The following TNS3 variants were observed in gnomAD, a reference collection of about 807,000 sequenced individuals.
The protein encoded by TNS3 is tensin-3.
A neutral mutation model predicts 140.9 loss-of-function variants in TNS3; 45 were observed. The ratio of observed to expected loss-of-function variants is 0.32; its 90% CI spans 0.25 to 0.41. TNS3 has a LOEUF of 0.41. Among genes scored for constraint, TNS3 ranks in the 10% least tolerant of loss-of-function variants. The pLI, the probability that TNS3 is intolerant of heterozygous loss-of-function variation, is 1.00. For synonymous variants in TNS3, 815 were observed against 788.4 expected (o/e 1.03, Z -0.56); for missense variants, 1,716 against 1,906.7 (o/e 0.90, Z 1.86).
chr7:47,422,475 T>G lies in TNS3; in HGVS notation c.473+1626A>C, dbSNP rs936567274. On this transcript the variant is annotated intron_variant, in intron 10 of 30. Transcript: ENST00000311160. Reference sequence around the variant, plus strand: ...CAAAAATTTTAAAATTAGCTGAGCATGGTGATGTGCGCCTATAGTCTCAGC... The same window carrying G: ...CAAAAATTTTAAAATTAGCTGAGCAGGGTGATGTGCGCCTATAGTCTCAGC... Among the ~76,000 whole-genome samples the G allele has an allele frequency of 2.6e-5, 4 of 152,022 alleles. No homozygotes were observed. In the South Asian group the frequency reaches 6.2e-4, roughly 24 times the overall value.
At position 47,506,176 on chromosome 7, in the gene TNS3, G is replaced by A. The variant is rs531278671; in HGVS notation, c.-115+731C>T. ...TGGGGCAAAACACTGCTGACACCCC[G>A]ACTGCAGACCCAAATCATACTTGGG... On this transcript the variant is annotated intron_variant, in intron 3 of 30. Transcript: ENST00000311160. 7.6e-4 allele frequency among the ~76,000 whole-genome samples: 116 copies of A among 152,262 alleles called. 3 individuals carry two copies. Among genetic ancestry groups the A allele is most frequent in the African/African-American group, 2.6e-3 (107 of 41,556 alleles).
Position 47,276,819 on chromosome 7 carries a change from C to T in TNS3, c.*1257G>A, listed in dbSNP as rs188758808. The T allele has an allele frequency of 6.6e-6, 1 of 152,370 alleles. No individual in the cohort carries two copies. The highest frequency in any genetic ancestry group is 1.9e-4 in the East Asian group (1 of 5,180). 9.4% of individuals were successfully genotyped at this position (152,370 alleles called of 1,614,324 possible). A position where few individuals can be genotyped will look rare whatever the true frequency, so the allele number is the denominator to read the frequency against. On this transcript the variant is annotated 3_prime_UTR_variant, in exon 31 of 31. Coordinates refer to ENST00000311160, the MANE Select transcript of TNS3 (RefSeq NM_022748.12). The stretch of plus-strand genomic sequence containing the variant: ...GTTTCTTCTCTTTTTCCTCATCCTC[C>T]CTTCTGCTCACACATGCCACAACCA...
chr7:47,475,356 A>G (rs1222315517), intron 4 of TNS3, among the ~76,000 whole-genome samples: 15 of 152,268 alleles, frequency 9.9e-5, no homozygotes. Context: ...ACAGTGGCCA[A>G]GGCCAAGCAA....
intron 4 of TNS3, among the ~76,000 whole-genome samples, chr7:47,454,121 T>C (rs1796146048): frequency 6.6e-6 from 1 of 152,178 alleles, no homozygotes; most frequent in African/African-American, 2.4e-5. Flanking sequence ...ACCCTATCAG[T>C]GGGCAGGGTG....
chr7:47,571,892 T>C (rs1231701291), intron 1 of TNS3, among the ~76,000 whole-genome samples: 2 of 152,190 alleles, frequency 1.3e-5, no homozygotes, highest in East Asian at 1.9e-4. Context: ...CAGGGAACTA[T>C]GCTTTGGAAG....
At chr7:47,368,342 C>T (rs747682420) in intron 17 of TNS3, 23 bp downstream of exon 17, 5 of 1,462,796 alleles carry the variant, frequency 3.4e-6, no homozygotes, top group South Asian at 1.5e-5. Context: ...CCGTGGAGCA[C>T]CTCCCATGGA....
chr7:47,512,935 C>G (rs1455148928), intron 2 of TNS3, among the ~76,000 whole-genome samples: 2 of 152,086 alleles, frequency 1.3e-5, no homozygotes, highest in Non-Finnish European at 2.9e-5. Context: ...ACAAACCAAA[C>G]ATTACAACTT....
intron 1 of TNS3, among the ~76,000 whole-genome samples, chr7:47,554,750 G>A (rs1800151847): frequency 6.6e-6 from 1 of 152,220 alleles, no homozygotes; most frequent in African/African-American, 2.4e-5. Flanking sequence ...ATGGAATCGG[G>A]CCGAGCACGG....
At chr7:47,369,725 A>G in intron 16 of TNS3, 104 bp from the exon 17 acceptor site, 2 of 1,268,108 alleles carry the variant, frequency 1.6e-6, no homozygotes, top group Non-Finnish European at 2.1e-6. Context: ...AAATGGATTC[A>G]AAATATGACT....
intron 1 of TNS3, among the ~76,000 whole-genome samples, chr7:47,570,535 G>A (rs1212548528): frequency 6.6e-6 from 1 of 152,256 alleles, no homozygotes. Flanking sequence ...AATTTACAAA[G>A]CAAAACTCCA....
intron 20 of TNS3, among the ~76,000 whole-genome samples, chr7:47,312,843 C>T (rs898565791): frequency 4.0e-5 from 6 of 151,768 alleles, no homozygotes; most frequent in Admixed American, 6.6e-5. Flanking sequence ...GTAACCTGCA[C>T]GTTGTGCACA....
chr7:47,542,677 T>TC (rs1367649710), intron 1 of TNS3, among the ~76,000 whole-genome samples: 1 of 152,018 alleles, frequency 6.6e-6, no homozygotes, highest in African/African-American at 2.4e-5. Context: ...CAACCTGTAA[T>TC]CCCAACACTT....
chr7:47,454,921 G>A (rs1054433796), intron 4 of TNS3, among the ~76,000 whole-genome samples: 1 of 152,136 alleles, frequency 6.6e-6, no homozygotes, highest in Non-Finnish European at 1.5e-5. Flanking sequence ...GCAGGTGGGA[G>A]GGGTTATGTA....
chr7:47,466,436 G>A (rs989436027), intron 4 of TNS3, among the ~76,000 whole-genome samples: 5 of 152,228 alleles, frequency 3.3e-5, no homozygotes, highest in Non-Finnish European at 7.3e-5. Context: ...GTGAGCCACA[G>A]CACCCGACCC....
At chr7:47,526,482 C>G (rs1373058937) in intron 2 of TNS3, among the ~76,000 whole-genome samples, 2 of 152,222 alleles carry the variant, frequency 1.3e-5, no homozygotes, top group African/African-American at 4.8e-5. Flanking sequence ...GCACTTTAAG[C>G]CTGACTTCTG....
At chr7:47,406,807 C>A (rs1793476266) in intron 13 of TNS3, among the ~76,000 whole-genome samples, 1 of 152,216 alleles carries the variant, frequency 6.6e-6, no homozygotes, top group Non-Finnish European at 1.5e-5. Context: ...TCCCCCACTA[C>A]AGCCTTCTCA....
At chr7:47,283,979 G>GCACCCAGCATAGGCCACA in intron 27 of TNS3, 114 bp from the exon 28 acceptor site, 2 of 1,017,754 alleles carry the variant, frequency 2.0e-6, no homozygotes, top group South Asian at 1.9e-5. Flanking sequence ...ACTTGCGCAT[G>GCACCCAGCATAGGCCACA]TGGCCTATGC....
In TNS3 at chr7:47,404,197, A is replaced by G. The variant is rs186929528; in HGVS notation, c.724-3283T>C. On this transcript the variant is annotated intron_variant, in intron 13 of 30. Coordinates refer to ENST00000311160, the MANE Select transcript of TNS3 (RefSeq NM_022748.12). ...GCTGCGCACAGCCTGTCACCATGCT[A>G]TCATAGAGCCAACCACAAAAGTACG... 2.9e-3 allele frequency among the ~76,000 whole-genome samples: 438 copies of G among 152,356 alleles called. 1 individual carries two copies. Among genetic ancestry groups the G allele is most frequent in the African/African-American group, 9.8e-3 (409 of 41,594 alleles).
At chr7:47,409,413 G>A (rs1003443886) in intron 13 of TNS3, among the ~76,000 whole-genome samples, 1 of 152,056 alleles carries the variant, frequency 6.6e-6, no homozygotes, top group Non-Finnish European at 1.5e-5. Flanking sequence ...CTCTTGGTGG[G>A]CGGTAGGGGG....
Sources: gnomAD v4.1 joint callset for allele counts (sites outside exome capture counted in the v4.1 genomes callset) on GRCh38, gnomAD v4.1.1 for gene constraint, MANE v1.5 for transcripts, NCBI Gene and HGNC (gene_info 2026-07-23, HGNC 2026-07-21) for gene names.